NCR1: variants seen among roughly 807,000 people sequenced by gnomAD.
NCR1 encodes NK cell-activating receptor.
In NCR1, 30 loss-of-function variants were observed where a neutral mutation model predicts 32.5. That is an observed-to-expected ratio of 0.92 (90% CI 0.69 to 1.25). The LOEUF is 1.25. Ranked by LOEUF, NCR1 falls within the 50% of genes most tolerant of loss-of-function variation. The pLI is 0.00. For synonymous variants in NCR1, 169 were observed against 143.4 expected (o/e 1.18, Z -1.28); for missense variants, 369 against 380.7 (o/e 0.97, Z 0.26).
chr19:54,908,222 T>C (rs1024683559), intron 3 of NCR1, among the ~76,000 whole-genome samples: 2 of 152,144 alleles, frequency 1.3e-5, no homozygotes, highest in African/African-American at 2.4e-5. Context: ...AGCATCTGTT[T>C]AACAAAGCAC....
At chr19:54,919,469 A>G (rs954358351), downstream of NCR1, among the ~76,000 whole-genome samples, 2 of 152,226 alleles carry the variant, frequency 1.3e-5, no homozygotes, top group Non-Finnish European at 2.9e-5. Context: ...AAGACAGCTT[A>G]CGCCATTATT....
intron 5 of NCR1, among the ~76,000 whole-genome samples, chr19:54,910,726 A>C (rs2067929096): frequency 6.6e-6 from 1 of 152,200 alleles, no homozygotes; most frequent in South Asian, 2.1e-4. Context: ...CAACGTCAGG[A>C]TAGCACACAG....
chr19:54,933,466 A>T, the NCR1 span: 31 of 1,436,530 alleles, frequency 2.2e-5, no homozygotes, highest in Non-Finnish European at 3.0e-5. Context: ...TTTAATTCTT[A>T]CCAGGTTTTT....
At chr19:54,902,955 C>A (rs2067326557), upstream of NCR1, among the ~76,000 whole-genome samples, 1 of 151,506 alleles carries the variant, frequency 6.6e-6, no homozygotes, top group South Asian at 2.1e-4. Flanking sequence ...CATGGGGAAA[C>A]CCTGTCTCTA....
chr19:54,930,619 T>C, the NCR1 span: 11 of 1,613,054 alleles, frequency 6.8e-6, no homozygotes, highest in Non-Finnish European at 9.3e-6. Flanking sequence ...TTGGAGCGCC[T>C]CTGAGAGATA....
upstream of NCR1, among the ~76,000 whole-genome samples, chr19:54,903,368 A>G (rs368046595): frequency 1.6e-4 from 21 of 129,312 alleles, 2 homozygotes; most frequent in East Asian, 1.7e-3. Flanking sequence ...ACATACATGT[A>G]TATATACATG....
the NCR1 span, among the ~76,000 whole-genome samples, chr19:54,926,205 G>GGTGTGTGTGTGTGTGT: frequency 4.6e-3 from 660 of 143,724 alleles, 4 homozygotes; most frequent in Admixed American, 0.013. Flanking sequence ...AATGATTAGG[G>GGTGTGTGTGTGTGTGT]GTGTGTGTGT....
upstream of NCR1, among the ~76,000 whole-genome samples, chr19:54,905,606 G>A (rs117537449): frequency 1.1e-3 from 175 of 152,238 alleles, 1 homozygote; most frequent in Non-Finnish European, 2.1e-3. Flanking sequence ...CCTTGCAGCC[G>A]CACGGCAAGA....
the NCR1 span, among the ~76,000 whole-genome samples, chr19:54,937,380 A>G: frequency 6.6e-6 from 1 of 151,456 alleles, no homozygotes; most frequent in African/African-American, 2.4e-5. Context: ...TTGTTTTGGT[A>G]ACAAAACAAA....
the NCR1 span, chr19:54,934,469 C>T: frequency 7.4e-6 from 12 of 1,613,676 alleles, no homozygotes; most frequent in Non-Finnish European, 1.0e-5. The surrounding 1 kb of genome is among the most constrained non-coding windows in gnomAD (Gnocchi z 6.7). Flanking sequence ...CAGAGCTGCC[C>T]ATGGGAAGAG....
chr19:54,916,317 CTTTTTT>C (rs71181711), downstream of NCR1, among the ~76,000 whole-genome samples: 25 of 87,102 alleles, frequency 2.9e-4, no homozygotes, highest in East Asian at 1.4e-3. Context: ...GAATATTGTG[CTTTTTT>C]TTTTTTTTTT....
Position 54,912,216 on chromosome 19 carries a change from A to C in NCR1, c.731A>C (p.Lys244Thr), listed in dbSNP as rs749106316. 6.2e-7 allele frequency: 1 copy of C among 1,613,818 alleles called. No homozygotes were observed. Among genetic ancestry groups the C allele is most frequent in the South Asian group, 1.1e-5 (1 of 91,068 alleles). ...YLLTTETGLQ[K>T]DHALWDHTAQ... ...TTAACCACAGAGACGGGACTCCAGA[A>C]AGGTAAGTAGACAGCTGGGGCCATA... Residue 244 changes from lysine to threonine, a missense_variant and splice_region_variant, in exon 6 of 7, where the codon AAA becomes ACA. Transcript: ENST00000291890.
In NCR1 at chr19:54,909,281, G is replaced by A; in HGVS notation, c.392G>A (p.Gly131Glu). The A allele has an allele frequency of 1.9e-6, 3 of 1,614,034 alleles. No homozygotes were observed. Among genetic ancestry groups the A allele is most frequent in the Non-Finnish European group, 2.5e-6 (3 of 1,180,004 alleles). Reference protein sequence around the residue: ...YDTPTLSVHPGPEVISGEKVT... With the variant: ...YDTPTLSVHPEPEVISGEKVT... ...ACACCCACCCTCTCGGTTCATCCTG[G>A]ACCCGAAGTGATCTCGGGAGAGAAG... Residue 131 changes from glycine to glutamate, a missense_variant, in exon 4 of 7, where the codon GGA (glycine) becomes GAA (glutamate). Coordinates refer to ENST00000291890, the MANE Select transcript of NCR1 (RefSeq NM_004829.7).
At chr19:54,906,944 C>T (rs2067662053) in intron 3 of NCR1, 137 bp downstream of exon 3, 1 of 1,003,298 alleles carries the variant, frequency 1.0e-6, no homozygotes, top group Admixed American at 2.5e-5. Flanking sequence ...ATCCCCATCA[C>T]AATCCTTGCC....
At chr19:54,909,587 C>T (rs1010861750) in intron 4 of NCR1, 64 bp downstream of exon 4, 2 of 1,540,940 alleles carry the variant, frequency 1.3e-6, no homozygotes, top group Non-Finnish European at 1.7e-6. Context: ...CCTGAGGGAT[C>T]CCCAGAGAGT....
chr19:54,915,864 C>T (rs1412601176), downstream of NCR1: 1 of 147,910 alleles, frequency 6.8e-6, no homozygotes, highest in Non-Finnish European at 1.5e-5. Flanking sequence ...AAAAAAACCA[C>T]ATAGGCTCAG....
At chr19:54,912,370 G>T in intron 6 of NCR1, 152 bp downstream of exon 6, 1 of 767,952 alleles carries the variant, frequency 1.3e-6, no homozygotes, top group Non-Finnish European at 2.2e-6. Flanking sequence ...GCCGAGGCGG[G>T]CAGATCATCT....
At chr19:54,927,761 G>C in the NCR1 span, 1 of 1,614,008 alleles carries the variant, frequency 6.2e-7, no homozygotes, top group Non-Finnish European at 8.5e-7. Context: ...AGGCATGAGG[G>C]AGCAGCTCCA....
At chr19:54,931,101 A>G in the NCR1 span, among the ~76,000 whole-genome samples, 8 of 152,174 alleles carry the variant, frequency 5.3e-5, no homozygotes, top group African/African-American at 9.6e-5. Context: ...AACTGGAGCT[A>G]TATACTTCCA....
Sources: gnomAD v4.1 joint callset for allele counts (sites outside exome capture counted in the v4.1 genomes callset) on GRCh38, gnomAD v4.1.1 for gene constraint, Gnocchi (gnomAD v3.1) non-coding constraint, MANE v1.5 for transcripts, NCBI Gene and HGNC (gene_info 2026-07-23, HGNC 2026-07-21) for gene names.